The following AGPAT3 variants were observed in gnomAD, a reference collection of about 807,000 sequenced individuals.
The protein encoded by AGPAT3 is 1-acyl-sn-glycerol-3-phosphate acyltransferase gamma.
In AGPAT3, 5 loss-of-function variants were observed where a neutral mutation model predicts 47.3. The observed-to-expected ratio is 0.11, with a 90% CI of 0.06 to 0.22. The LOEUF (loss-of-function observed/expected upper bound fraction) is 0.22. Among genes scored for constraint, AGPAT3 ranks in the 10% least tolerant of loss-of-function variants. AGPAT3 has a pLI of 1.00. For synonymous variants in AGPAT3, 212 were observed against 208.3 expected (o/e 1.02, Z -0.15); for missense variants, 315 against 493.0 (o/e 0.64, Z 3.42).
chr21:43,876,429 G>A (rs1360236684), intron 1 of AGPAT3, among the ~76,000 whole-genome samples: 1 of 152,208 alleles, frequency 6.6e-6, no homozygotes, highest in East Asian at 1.9e-4. Context: ...TTCCTGCAAG[G>A]CTTGAAGGGA....
chr21:43,943,776 C>T (rs758053376), intron 2 of AGPAT3, among the ~76,000 whole-genome samples: 58 of 152,120 alleles, frequency 3.8e-4, no homozygotes, highest in Non-Finnish European at 7.6e-4. Flanking sequence ...GTAGGGTGGG[C>T]GATGGCAGTA....
At chr21:43,903,420 A>G (rs536981807) in intron 1 of AGPAT3, among the ~76,000 whole-genome samples, 6 of 152,354 alleles carry the variant, frequency 3.9e-5, no homozygotes, top group African/African-American at 1.4e-4. Context: ...CGTCACCACA[A>G]TGTAACACAA....
chr21:43,956,484 C>T (rs1320463124), intron 2 of AGPAT3, among the ~76,000 whole-genome samples: 1 of 152,224 alleles, frequency 6.6e-6, no homozygotes, highest in Non-Finnish European at 1.5e-5. Context: ...GTGTTCAACA[C>T]AGACCGTGGA....
At chr21:43,912,619 G>A (rs2086651983) in intron 2 of AGPAT3, among the ~76,000 whole-genome samples, 1 of 152,214 alleles carries the variant, frequency 6.6e-6, no homozygotes, top group Admixed American at 6.5e-5. Flanking sequence ...GTGGTGCGTG[G>A]CCATGGACTT....
In AGPAT3 at chr21:43,970,757, G is replaced by A. The variant is rs759436530; in HGVS notation, c.615G>A (p.Leu205=). The A allele has an allele frequency of 2.5e-6, 4 of 1,608,976 alleles. No individual in the cohort carries two copies. The highest frequency in any genetic ancestry group is 1.1e-5 in the South Asian group (1 of 90,786). Residue 205 remains leucine, a synonymous_variant, in exon 6 of 10, where the codon CTG becomes CTA. Transcript: ENST00000291572. This position sits in a 1 kb window ranked among gnomAD's most constrained non-coding sequence, Gnocchi z 5.8. The part of the protein sequence containing the change: ...KGLPVLKYHL[L]PRTKGFTTAV... The stretch of plus-strand genomic sequence containing the variant: ...TTCCTGTCCTCAAGTACCACCTGCT[G>A]CCGCGGACCAAGGGCTTCACCACCG...
In AGPAT3 at chr21:43,955,087, C is replaced by T. The variant is rs777010938; in HGVS notation, c.-48-4547C>T. On this transcript the variant is annotated intron_variant, in intron 2 of 9. Transcript: ENST00000291572. The surrounding 1 kb of genome is among the most constrained non-coding windows in gnomAD (Gnocchi z 4.1). The stretch of plus-strand genomic sequence containing the variant: ...AGGCTGGGTGCCAGCTGCCTGTCGG[C>T]AGGGAGCGTATCACCGTGGCACGTC... 8.0e-7 allele frequency: 1 copy of T among 1,251,162 alleles called. No individual in the cohort carries two copies. Among genetic ancestry groups the T allele is most frequent in the Non-Finnish European group, 1.0e-6 (1 of 964,124 alleles). 77.5% of individuals were successfully genotyped at this position (1,251,162 alleles called of 1,614,324 possible).
At chr21:43,956,435 T>A (rs924697242) in intron 2 of AGPAT3, among the ~76,000 whole-genome samples, 6 of 152,210 alleles carry the variant, frequency 3.9e-5, no homozygotes, top group Non-Finnish European at 7.3e-5. Context: ...AGTGATGGCA[T>A]CCTGCTGGGG....
chr21:43,912,115 A>G (rs533715549), intron 2 of AGPAT3, among the ~76,000 whole-genome samples: 4 of 152,360 alleles, frequency 2.6e-5, no homozygotes, highest in African/African-American at 9.6e-5. Flanking sequence ...GCATTGCCGT[A>G]AGTGTTCATC....
At chr21:43,928,193 A>G (rs1405617659) in intron 2 of AGPAT3, among the ~76,000 whole-genome samples, 1 of 152,210 alleles carries the variant, frequency 6.6e-6, no homozygotes, top group African/African-American at 2.4e-5. Context: ...CGACGGTTTC[A>G]GGCAGGCCAA....
At chr21:43,959,519 G>A in intron 2 of AGPAT3, 115 bp from the exon 3 acceptor site, 1 of 892,112 alleles carries the variant, frequency 1.1e-6, no homozygotes, top group Non-Finnish European at 1.7e-6. Flanking sequence ...GTGCTGTGCA[G>A]CATGTGTGTA....
At chr21:43,945,277 G>T (rs943402689) in intron 2 of AGPAT3, among the ~76,000 whole-genome samples, 4 of 152,168 alleles carry the variant, frequency 2.6e-5, no homozygotes, top group Non-Finnish European at 4.4e-5. Context: ...AGGCTTGAGG[G>T]TTCTGTGTGC....
rs979361423 is a variant in AGPAT3 at position 43,983,007 on chromosome 21, C to A, written c.*615C>A. ...CCTGGGGCTGGCTGAGGGCGAACGC[C>A]CCACCTCACTTTCTAGAGCCCTGTC... On this transcript the variant is annotated 3_prime_UTR_variant, in exon 10 of 10. Coordinates refer to ENST00000291572, the MANE Select transcript of AGPAT3 (RefSeq NM_020132.5). 2.6e-5 allele frequency: 4 copies of A among 152,596 alleles called. No individual in the cohort carries two copies. Among genetic ancestry groups the A allele is most frequent in the African/African-American group, 9.6e-5 (4 of 41,472 alleles). The allele number at this position is 152,596 out of a possible 1,614,324, so 9.5% of individuals were successfully genotyped here.
At chr21:43,872,583 A>G (rs190254951) in intron 1 of AGPAT3, among the ~76,000 whole-genome samples, 8 of 152,322 alleles carry the variant, frequency 5.3e-5, no homozygotes, top group African/African-American at 1.7e-4. Context: ...TCACCTTGCC[A>G]TTGCTTAAAA....
Position 43,928,042 on chromosome 21 carries a change from G to A in AGPAT3, c.-49+24023G>A, listed in dbSNP as rs116523646. ...CCTGTTGCATCCTGGCAGGGCTGACGTGGCACCTGCTGCCCCGTGCCCTGG... is the reference window on the plus strand; with the variant it reads ...CCTGTTGCATCCTGGCAGGGCTGACATGGCACCTGCTGCCCCGTGCCCTGG... On this transcript the variant is annotated intron_variant, in intron 2 of 9. Coordinates refer to ENST00000291572, the MANE Select transcript of AGPAT3 (RefSeq NM_020132.5). Among the ~76,000 whole-genome samples the A allele has an allele frequency of 7.5e-3, 1,137 of 152,314 alleles. 13 individuals carry two copies. The highest frequency in any genetic ancestry group is 0.024 in the Middle Eastern group (7 of 294).
At chr21:43,878,457 A>C (rs2085781328) in intron 1 of AGPAT3, among the ~76,000 whole-genome samples, 1 of 152,240 alleles carries the variant, frequency 6.6e-6, no homozygotes, top group Non-Finnish European at 1.5e-5. Context: ...GTGTGGACAC[A>C]GCCAGCTGTG....
intron 2 of AGPAT3, among the ~76,000 whole-genome samples, chr21:43,918,392 G>A (rs937567164): frequency 6.6e-6 from 1 of 152,074 alleles, no homozygotes. Flanking sequence ...TGCCCCATCG[G>A]CAGTGTCCAG....
rs1242518499 is a variant in AGPAT3 at position 43,932,312 on chromosome 21, G to T, written c.-48-27322G>T. Among the ~76,000 whole-genome samples the T allele has an allele frequency of 6.6e-6, 1 of 152,120 alleles. No homozygotes were observed. Among genetic ancestry groups the T allele is most frequent in the Non-Finnish European group, 1.5e-5 (1 of 68,036 alleles). On this transcript the variant is annotated intron_variant, in intron 2 of 9. Coordinates refer to ENST00000291572, the MANE Select transcript of AGPAT3 (RefSeq NM_020132.5). This position sits in a 1 kb window ranked among gnomAD's most constrained non-coding sequence, Gnocchi z 5.2. ...TAACCACCGTGCTCCTCCCAGTTCT[G>T]GTGAGACCTCCGTTTCCGATTCCTC...
chr21:43,954,063 G>A lies in AGPAT3; in HGVS notation c.-48-5571G>A, dbSNP rs2088325414. 6.6e-6 allele frequency among the ~76,000 whole-genome samples: 1 copy of A among 152,250 alleles called. No homozygotes were observed. Among genetic ancestry groups the A allele is most frequent in the Non-Finnish European group, 1.5e-5 (1 of 68,042 alleles). Reference sequence around the variant, plus strand: ...CGTCAACTTCACATTGTCTGGGGATGCATAATTTCCTAAAAATCGCTCTCA... The same window carrying A: ...CGTCAACTTCACATTGTCTGGGGATACATAATTTCCTAAAAATCGCTCTCA... On this transcript the variant is annotated intron_variant, in intron 2 of 9. Coordinates refer to ENST00000291572, the MANE Select transcript of AGPAT3 (RefSeq NM_020132.5). The surrounding 1 kb of genome is among the most constrained non-coding windows in gnomAD (Gnocchi z 4.0).
At chr21:43,915,887 C>A (rs1421029403) in intron 2 of AGPAT3, among the ~76,000 whole-genome samples, 1 of 152,038 alleles carries the variant, frequency 6.6e-6, no homozygotes, top group Non-Finnish European at 1.5e-5. Flanking sequence ...CATTCTCTTA[C>A]TGTCTTGCTT....
Sources: gnomAD v4.1 joint callset for allele counts (sites outside exome capture counted in the v4.1 genomes callset) on GRCh38, gnomAD v4.1.1 for gene constraint, Gnocchi (gnomAD v3.1) non-coding constraint, MANE v1.5 for transcripts, NCBI Gene and HGNC (gene_info 2026-07-23, HGNC 2026-07-21) for gene names.